Variants in ABTB2 observed in about 807,000 individuals in gnomAD.
The protein encoded by ABTB2 is ankyrin repeat and BTB/POZ domain-containing protein 2.
ABTB2 carries 56 observed loss-of-function variants against 104.1 expected under a neutral mutation model. The observed-to-expected ratio is 0.54, with a 90% CI of 0.43 to 0.67. ABTB2 has a LOEUF of 0.67. Among genes scored for constraint, ABTB2 ranks in the 30% least tolerant of loss-of-function variants. The pLI, the probability that ABTB2 is intolerant of heterozygous loss-of-function variation, is 0.00. For missense variants in ABTB2, 1,279 were observed against 1,407.7 expected, an observed-to-expected ratio of 0.91 and a Z score of 1.46; for synonymous variants, 606 against 608.2, an observed-to-expected ratio of 1.00 and a Z score of 0.05.
chr11:34,350,008 T>C (rs901924875), intron 1 of ABTB2, among the ~76,000 whole-genome samples: 1 of 152,172 alleles, frequency 6.6e-6, no homozygotes, highest in African/African-American at 2.4e-5. Flanking sequence ...TGAGTATGCA[T>C]AAGGCACAAC....
In ABTB2 at chr11:34,162,571, C is replaced by T. The variant is rs766071105; in HGVS notation, c.2218+5G>A. 1.9e-6 allele frequency: 3 copies of T among 1,612,992 alleles called. No individual in the cohort carries two copies. The highest frequency in any genetic ancestry group is 2.2e-5 in the South Asian group (2 of 91,054). ...ACATGGGTGTGCATGCCCGTGAGGC[C>T]TCACCCAGTGCCCTCAGCTCCATGG... On this transcript the variant is annotated splice_donor_5th_base_variant and intron_variant, in intron 10 of 16. Coordinates refer to ENST00000435224, the MANE Select transcript of ABTB2 (RefSeq NM_145804.3).
At chr11:34,232,006 A>C (rs963488092) in intron 1 of ABTB2, among the ~76,000 whole-genome samples, 1 of 152,210 alleles carries the variant, frequency 6.6e-6, no homozygotes, top group Non-Finnish European at 1.5e-5. Flanking sequence ...TAAATATGGC[A>C]TGGGTTCCTG....
chr11:34,172,395 AATATAT>A (rs71037402), intron 4 of ABTB2, among the ~76,000 whole-genome samples: 2 of 29,050 alleles, frequency 6.9e-5, no homozygotes, highest in African/African-American at 2.0e-4. Flanking sequence ...AAAAAAAAAA[AATATAT>A]ATATATATAT....
At chr11:34,290,226 C>T (rs972341355) in intron 1 of ABTB2, among the ~76,000 whole-genome samples, 1 of 152,190 alleles carries the variant, frequency 6.6e-6, no homozygotes, top group African/African-American at 2.4e-5. Flanking sequence ...ACATTTGTAT[C>T]AAAGTAGCTA....
At chr11:34,255,303 C>T (rs905803758) in intron 1 of ABTB2, among the ~76,000 whole-genome samples, 14 of 152,154 alleles carry the variant, frequency 9.2e-5, no homozygotes, top group African/African-American at 3.4e-4. Context: ...ACATCACTTT[C>T]TCACCTTTCC....
intron 1 of ABTB2, among the ~76,000 whole-genome samples, chr11:34,327,293 T>C (rs1213412764): frequency 2.0e-5 from 3 of 152,172 alleles, no homozygotes; most frequent in Non-Finnish European, 4.4e-5. Flanking sequence ...GCAAAGAAGA[T>C]TACTAAGGAT....
Position 34,154,664 on chromosome 11 carries a change from C to A in ABTB2, c.2766+37G>T. ...AATGGGAGACCGAGCCGCTGGGCAC[C>A]CTAGCCCAGGCCCCCTCCCCCTCTC... On this transcript the variant is annotated intron_variant, in intron 15 of 16. Transcript: ENST00000435224. This position sits in a 1 kb window ranked among gnomAD's most constrained non-coding sequence, Gnocchi z 4.9. The A allele has an allele frequency of 6.2e-7, 1 of 1,609,428 alleles. No individual in the cohort carries two copies. Among genetic ancestry groups the A allele is most frequent in the Non-Finnish European group, 8.5e-7 (1 of 1,176,368 alleles).
chr11:34,154,516 C>A lies in ABTB2; in HGVS notation c.2767-138G>T. 1 of 845,144 alleles carries A rather than the reference C, an allele frequency of 1.2e-6. No individual in the cohort carries two copies. 52.4% of individuals were successfully genotyped at this position (845,144 alleles called of 1,614,324 possible). Reference sequence around the variant, plus strand: ...CCCACTACCTTCTGATACTCCTGGGCCTAACCATCCCCGCTGGGACACGCA... The same window carrying A: ...CCCACTACCTTCTGATACTCCTGGGACTAACCATCCCCGCTGGGACACGCA... On this transcript the variant is annotated intron_variant, in intron 15 of 16. Transcript: ENST00000435224. The surrounding 1 kb of genome is among the most constrained non-coding windows in gnomAD (Gnocchi z 4.9).
Position 34,167,239 on chromosome 11 carries a change from T to C in ABTB2, c.1755+20A>G. ...ACCTGGTAAGCTGGGGGGCATGGTGTTCACCTGGCAGGAGCTCACCTGGAC... is the reference window on the plus strand; with the variant it reads ...ACCTGGTAAGCTGGGGGGCATGGTGCTCACCTGGCAGGAGCTCACCTGGAC... On this transcript the variant is annotated intron_variant, in intron 7 of 16. Coordinates refer to ENST00000435224, the MANE Select transcript of ABTB2 (RefSeq NM_145804.3). 6.3e-7 allele frequency: 1 copy of C among 1,590,936 alleles called. No individual in the cohort carries two copies. The highest frequency in any genetic ancestry group is 8.6e-7 in the Non-Finnish European group (1 of 1,166,732).
At position 34,154,868 on chromosome 11, in the gene ABTB2, G is replaced by T; in HGVS notation, c.2698-99C>A. ...ACTGCTCCAGCTGCCGCCTCCAGGG[G>T]CCTGTCCCTCTGCAGGTCCCCAGCT... On this transcript the variant is annotated intron_variant, in intron 14 of 16. Coordinates refer to ENST00000435224, the MANE Select transcript of ABTB2 (RefSeq NM_145804.3). This position sits in a 1 kb window ranked among gnomAD's most constrained non-coding sequence, Gnocchi z 4.9. 1 of 1,189,230 alleles carries T rather than the reference G, an allele frequency of 8.4e-7. No individual in the cohort carries two copies. The highest frequency in any genetic ancestry group is 1.2e-6 in the Non-Finnish European group (1 of 814,286). 73.7% of individuals were successfully genotyped at this position (1,189,230 alleles called of 1,614,324 possible). A position where few individuals can be genotyped will look rare whatever the true frequency, so the allele number is the denominator to read the frequency against.
rs1855467086 is a variant in ABTB2 at position 34,356,636 on chromosome 11, C to A, written c.883+65G>T. ...CAGCTTTGTCTCAGGAAATTCACTCCCCCAGTAGCCCAGGGCGGGATTTCT... is the reference window on the plus strand; with the variant it reads ...CAGCTTTGTCTCAGGAAATTCACTCACCCAGTAGCCCAGGGCGGGATTTCT... On this transcript the variant is annotated intron_variant, in intron 1 of 16. Transcript: ENST00000435224. The surrounding 1 kb of genome is among the most constrained non-coding windows in gnomAD (Gnocchi z 4.6). The A allele has an allele frequency of 6.8e-7, 1 of 1,464,954 alleles. No individual in the cohort carries two copies. The highest frequency in any genetic ancestry group is 9.1e-7 in the Non-Finnish European group (1 of 1,101,442). 90.7% of individuals were successfully genotyped at this position (1,464,954 alleles called of 1,614,324 possible).
chr11:34,345,967 C>T (rs912123056), intron 1 of ABTB2, among the ~76,000 whole-genome samples: 1 of 152,158 alleles, frequency 6.6e-6, no homozygotes, highest in Non-Finnish European at 1.5e-5. Context: ...GGCAAGCCAC[C>T]CCATTTCCCC....
intron 7 of ABTB2, 36 bp from the exon 8 acceptor site, chr11:34,165,392 C>T (rs184599365): frequency 7.1e-6 from 11 of 1,548,282 alleles, no homozygotes; most frequent in African/African-American, 2.7e-5. Context: ...CACTGCTCAG[C>T]GTGGCAGGGA....
At chr11:34,297,488 T>G (rs531068866) in intron 1 of ABTB2, among the ~76,000 whole-genome samples, 3 of 152,260 alleles carry the variant, frequency 2.0e-5, no homozygotes, top group South Asian at 4.1e-4. Context: ...TTTTAATGTA[T>G]CCCCTCCAAA....
At chr11:34,223,466 A>C (rs1314217979) in intron 1 of ABTB2, among the ~76,000 whole-genome samples, 2 of 152,038 alleles carry the variant, frequency 1.3e-5, no homozygotes, top group African/African-American at 4.8e-5. Flanking sequence ...TTGCCCCGTA[A>C]TCATCATTAG....
chr11:34,283,436 G>C (rs1012602226), intron 1 of ABTB2, among the ~76,000 whole-genome samples: 1 of 151,992 alleles, frequency 6.6e-6, no homozygotes, highest in African/African-American at 2.4e-5. Flanking sequence ...GGCTGATCTC[G>C]AACTCCTGAC....
intron 1 of ABTB2, among the ~76,000 whole-genome samples, chr11:34,268,371 C>A (rs1421859886): frequency 3.3e-5 from 5 of 152,178 alleles, no homozygotes; most frequent in Non-Finnish European, 5.9e-5. Context: ...GTCTGAGAAC[C>A]CACTCTCTCC....
At chr11:34,337,219 C>G (rs566610830) in intron 1 of ABTB2, among the ~76,000 whole-genome samples, 2 of 152,238 alleles carry the variant, frequency 1.3e-5, no homozygotes, top group Admixed American at 1.3e-4. Context: ...TTGAGGAAGG[C>G]CCCGATTCTG....
At position 34,161,023 on chromosome 11, in the gene ABTB2, C is replaced by T. The variant is rs74789123; in HGVS notation, c.2277G>A (p.Ser759=). ...GGAGGCTCTGCACCACCGAGTACCG[C>T]GACTGCGAGAACGAGGTCCTCAGAG... ...IESLRTSFSQ[S]RYSVVQSLLR... The change falls in exon 11 of 17, where the codon TCG becomes TCA. Residue 759 remains serine, a synonymous_variant. Transcript: ENST00000435224. 6.0e-5 allele frequency: 97 copies of T among 1,613,398 alleles called. No homozygotes were observed. In the African/African-American group the frequency reaches 7.9e-4, roughly 13 times the overall value.
Sources: gnomAD v4.1 joint callset for allele counts (sites outside exome capture counted in the v4.1 genomes callset) on GRCh38, gnomAD v4.1.1 for gene constraint, Gnocchi (gnomAD v3.1) non-coding constraint, MANE v1.5 for transcripts, NCBI Gene and HGNC (gene_info 2026-07-23, HGNC 2026-07-21) for gene names.